Variants in MAD1L1 observed in about 807,000 individuals in gnomAD.
The protein encoded by MAD1L1 is mitotic spindle assembly checkpoint protein MAD1.
A neutral mutation model predicts 96.9 loss-of-function variants in MAD1L1; 95 were observed. The ratio of observed to expected loss-of-function variants is 0.98; its 90% CI spans 0.83 to 1.16. The LOEUF is 1.16. MAD1L1 is among the 50% of genes most tolerant of loss of function. The probability of loss-of-function intolerance (pLI) is 0.00; values close to 1 mark genes in which losing one functional copy is unlikely to be tolerated. For synonymous variants in MAD1L1, 473 were observed against 396.6 expected (o/e 1.19, Z -2.29); for missense variants, 1,007 against 954.4 (o/e 1.06, Z -0.73).
intron 18 of MAD1L1, among the ~76,000 whole-genome samples, chr7:1,867,330 C>T (rs1055792664): frequency 2.1e-5 from 3 of 144,064 alleles, no homozygotes; most frequent in Non-Finnish European, 4.6e-5. Context: ...GAGGTGCTGG[C>T]TGCCTCCGCA....
chr7:2,002,075 CTT>C lies in MAD1L1; in HGVS notation c.1404_1405del (p.Arg469SerfsTer65). On this transcript the variant is annotated frameshift_variant, in exon 14 of 19. Coordinates refer to ENST00000265854, the MANE Select transcript of MAD1L1 (RefSeq NM_001013836.2). LOFTEE classifies it high-confidence loss of function. ...CCGCGTCTGACTCACCATGTCTGCT[CTT>C]TGTTTCTGGCCTCCCAGCTCCTCCA... 3.1e-6 allele frequency: 5 copies of C among 1,613,400 alleles called. No homozygotes were observed. The highest frequency in any genetic ancestry group is 1.3e-5 in the African/African-American group (1 of 75,084).
chr7:2,039,545 T>G (rs1206171455), intron 12 of MAD1L1, among the ~76,000 whole-genome samples: 3 of 152,236 alleles, frequency 2.0e-5, no homozygotes, highest in Non-Finnish European at 4.4e-5. Flanking sequence ...TTCTGAACTT[T>G]GACAGGTGTG....
intron 18 of MAD1L1, among the ~76,000 whole-genome samples, chr7:1,868,253 C>T (rs1468120483): frequency 2.0e-5 from 3 of 152,216 alleles, no homozygotes; most frequent in Non-Finnish European, 4.4e-5. Flanking sequence ...TGCTGATAAC[C>T]GAAATCAGTT....
intron 18 of MAD1L1, among the ~76,000 whole-genome samples, chr7:1,882,802 G>A (rs1368210132): frequency 2.0e-5 from 3 of 152,216 alleles, no homozygotes; most frequent in African/African-American, 4.8e-5. Flanking sequence ...TCACCAGGGC[G>A]GCCGTGACTC....
At chr7:2,216,556 C>T (rs1264582368) in intron 7 of MAD1L1, among the ~76,000 whole-genome samples, 1 of 152,098 alleles carries the variant, frequency 6.6e-6, no homozygotes, top group Non-Finnish European at 1.5e-5. Flanking sequence ...CATTTTACAT[C>T]TGCCCGAACC....
intron 18 of MAD1L1, chr7:1,854,410 C>G (rs758447779): frequency 2.0e-5 from 9 of 459,886 alleles, no homozygotes; most frequent in Non-Finnish European, 3.9e-5. Context: ...GACTAGGTGG[C>G]TCGTAAACAG....
chr7:2,031,900 C>T (rs189473999), intron 12 of MAD1L1, among the ~76,000 whole-genome samples: 1 of 152,398 alleles, frequency 6.6e-6, no homozygotes, highest in East Asian at 1.9e-4. Context: ...GGGGCCACTA[C>T]TCAGCCTGAG....
chr7:1,942,461 G>A (rs77330879), intron 16 of MAD1L1, among the ~76,000 whole-genome samples: 2,128 of 152,316 alleles, frequency 0.014, 80 homozygotes, highest in East Asian at 0.12. Context: ...CATTTCAGCA[G>A]GTGCTGGAAG....
At chr7:1,941,740 C>G (rs1484008969) in intron 16 of MAD1L1, among the ~76,000 whole-genome samples, 1 of 152,244 alleles carries the variant, frequency 6.6e-6, no homozygotes, top group Non-Finnish European at 1.5e-5. Context: ...GGAGAGCATT[C>G]ACTGGGCACC....
In MAD1L1 at chr7:2,014,613, C is replaced by A; in HGVS notation, c.1248G>T (p.Gly416=). ...KERDGMRAIL[G]SYDSELTPAE... is the part of the protein sequence containing the mutation. ...CCGGGGTCAGCTCGCTGTCGTAGGA[C>A]CCCAGGATGGCCCGCATACCGTCCC... The change falls in exon 13 of 19, where the codon GGG becomes GGT. Residue 416 remains glycine, a synonymous_variant. Transcript: ENST00000265854. 6.2e-7 allele frequency: 1 copy of A among 1,612,252 alleles called. No individual in the cohort carries two copies. The highest frequency in any genetic ancestry group is 1.1e-5 in the South Asian group (1 of 90,880).
At chr7:1,880,735 G>C (rs1364566895) in intron 18 of MAD1L1, among the ~76,000 whole-genome samples, 1 of 152,246 alleles carries the variant, frequency 6.6e-6, no homozygotes, top group Non-Finnish European at 1.5e-5. Context: ...CTGAGGGCAG[G>C]CAAGCTGTAG....
chr7:2,217,973 G>C lies in MAD1L1; in HGVS notation c.667C>G (p.Gln223Glu). ...AGGGAGTGACTCACCTTAATCTGCT[G>C]CTCGTGGTCTGCTCTTGCTTCTTGG... ...ASQEARADHE[Q>E]QIKDLEQKLS... Residue 223 changes from glutamine to glutamate, a missense_variant, in exon 7 of 19, where the codon CAG becomes GAG. Gln to Glu is a conservative substitution (Grantham distance 29). Transcript: ENST00000265854. The C allele has an allele frequency of 6.2e-7, 1 of 1,613,726 alleles. No homozygotes were observed. Among genetic ancestry groups the C allele is most frequent in the Non-Finnish European group, 8.5e-7 (1 of 1,179,614 alleles).
At chr7:2,004,561 C>T (rs56220145) in intron 13 of MAD1L1, among the ~76,000 whole-genome samples, 6,380 of 152,354 alleles carry the variant, frequency 0.042, 218 homozygotes, top group East Asian at 0.086. Context: ...CAACCACGCT[C>T]TCCTGTGCCT....
At chr7:1,828,669 T>C (rs1432517090) in intron 18 of MAD1L1, among the ~76,000 whole-genome samples, 1 of 151,884 alleles carries the variant, frequency 6.6e-6, no homozygotes, top group Non-Finnish European at 1.5e-5. Flanking sequence ...GAACTGTGTC[T>C]CCGAACAGAG....
At chr7:1,982,357 C>G (rs112625437) in intron 14 of MAD1L1, among the ~76,000 whole-genome samples, 1 of 151,940 alleles carries the variant, frequency 6.6e-6, no homozygotes, top group Non-Finnish European at 1.5e-5. Flanking sequence ...TACAGGTGCA[C>G]GCCATCAAGC....
intron 12 of MAD1L1, among the ~76,000 whole-genome samples, chr7:2,043,573 G>A (rs552962548): frequency 1.6e-4 from 24 of 152,236 alleles, no homozygotes; most frequent in Non-Finnish European, 3.2e-4. Context: ...GTGCCTACAA[G>A]GACGCTGGGT....
chr7:2,117,513 T>C (rs1787768271), intron 11 of MAD1L1, among the ~76,000 whole-genome samples: 1 of 152,012 alleles, frequency 6.6e-6, no homozygotes, highest in Non-Finnish European at 1.5e-5. Context: ...GGGAGGTGAG[T>C]GAATCACAGG....
At chr7:2,231,944 A>AT (rs1333827227) in intron 1 of MAD1L1, among the ~76,000 whole-genome samples, 1 of 152,184 alleles carries the variant, frequency 6.6e-6, no homozygotes, top group African/African-American at 2.4e-5. Flanking sequence ...GACCAGCACT[A>AT]TATTTGTAAG....
chr7:2,095,093 A>G (rs35143793), intron 11 of MAD1L1, among the ~76,000 whole-genome samples: 27,114 of 152,002 alleles, frequency 0.18, 2,880 homozygotes, highest in Middle Eastern at 0.33. Flanking sequence ...CCTAGGCTGG[A>G]GTGCAGTGGC....
Sources: gnomAD v4.1 joint callset for allele counts (sites outside exome capture counted in the v4.1 genomes callset) on GRCh38, gnomAD v4.1.1 for gene constraint, MANE v1.5 for transcripts, NCBI Gene and HGNC (gene_info 2026-07-23, HGNC 2026-07-21) for gene names.